The following CHCHD6 variants were observed in gnomAD, a reference collection of about 807,000 sequenced individuals.
CHCHD6 encodes the protein MICOS complex subunit MIC25.
A neutral mutation model predicts 32.3 loss-of-function variants in CHCHD6; 28 were observed. The observed-to-expected ratio is 0.87, with a 90% CI of 0.64 to 1.19. The LOEUF (loss-of-function observed/expected upper bound fraction) is 1.19. CHCHD6 is among the 50% of genes most tolerant of loss of function. The pLI is 0.00. For synonymous variants in CHCHD6, 122 were observed against 117.5 expected (o/e 1.04, Z -0.25); for missense variants, 333 against 307.0 (o/e 1.08, Z -0.63).
intron 5 of CHCHD6, among the ~76,000 whole-genome samples, chr3:126,881,675 A>G (rs1431400008): frequency 6.6e-6 from 1 of 152,206 alleles, no homozygotes; most frequent in Non-Finnish European, 1.5e-5. Flanking sequence ...TTCTCGAAGG[A>G]GTCGGCTGGA....
chr3:126,862,477 T>C (rs1576513159), intron 5 of CHCHD6, among the ~76,000 whole-genome samples: 9 of 102,820 alleles, frequency 8.8e-5, no homozygotes, highest in South Asian at 3.7e-4. Context: ...CACCACCTCC[T>C]CCTCTTCCTC....
At chr3:126,740,814 A>C (rs1251615695) in intron 4 of CHCHD6, among the ~76,000 whole-genome samples, 1 of 152,222 alleles carries the variant, frequency 6.6e-6, no homozygotes, top group African/African-American at 2.4e-5. Flanking sequence ...TTTTGGAGAA[A>C]GGAAAACTGT....
At chr3:126,731,054 G>C (rs868753177) in intron 3 of CHCHD6, among the ~76,000 whole-genome samples, 1 of 144,960 alleles carries the variant, frequency 6.9e-6, no homozygotes, top group Admixed American at 7.1e-5. Context: ...GCTGCAGGGA[G>C]CTGTGATTGC....
At chr3:126,830,283 TG>T (rs1178448864) in intron 4 of CHCHD6, among the ~76,000 whole-genome samples, 3 of 152,314 alleles carry the variant, frequency 2.0e-5, no homozygotes, top group Middle Eastern at 3.4e-3. Flanking sequence ...TATATGCCAC[TG>T]GGCCCCACCT....
intron 4 of CHCHD6, among the ~76,000 whole-genome samples, chr3:126,787,684 A>C (rs1271704200): frequency 1.3e-5 from 2 of 152,190 alleles, no homozygotes; most frequent in African/African-American, 2.4e-5. Flanking sequence ...TTGTATCCTG[A>C]GACTTTGCTG....
At chr3:126,794,068 G>A (rs549749686) in intron 4 of CHCHD6, among the ~76,000 whole-genome samples, 51 of 152,018 alleles carry the variant, frequency 3.4e-4, no homozygotes, top group African/African-American at 1.2e-3. Context: ...ATTTGTCTGG[G>A]AGTAGATTTA....
chr3:126,805,490 AC>A (rs1473247789), intron 4 of CHCHD6, among the ~76,000 whole-genome samples: 1 of 152,148 alleles, frequency 6.6e-6, no homozygotes, highest in Non-Finnish European at 1.5e-5. Context: ...AATCCAACTT[AC>A]AAGGGATGTG....
chr3:126,831,788 C>G (rs1163987152), intron 4 of CHCHD6, among the ~76,000 whole-genome samples: 2 of 152,150 alleles, frequency 1.3e-5, no homozygotes, highest in African/African-American at 2.4e-5. Flanking sequence ...ATCCTTTACC[C>G]CCAACTCCTG....
chr3:126,765,378 G>A lies in CHCHD6; in HGVS notation c.411+32156G>A, dbSNP rs542641940. On this transcript the variant is annotated intron_variant, in intron 4 of 7. Coordinates refer to ENST00000290913, the MANE Select transcript of CHCHD6 (RefSeq NM_032343.3). ...ATTACTCACTCAGCACAGCGAGCTC[G>A]GGCACAGGCACTTGACGGGGACACT... is the stretch of plus-strand genomic sequence containing the variant. Among the ~76,000 whole-genome samples the A allele has an allele frequency of 4.6e-5, 7 of 152,256 alleles. No homozygotes were observed. The East Asian group carries it at 1.4e-3, about 29-fold the overall frequency.
chr3:126,945,685 G>A (rs1285365832), intron 6 of CHCHD6, among the ~76,000 whole-genome samples: 1 of 141,954 alleles, frequency 7.0e-6, no homozygotes, highest in Non-Finnish European at 1.5e-5. Flanking sequence ...GGAGATTCGG[G>A]GGAAGACTCA....
At chr3:126,922,863 G>A (rs891349853) in intron 6 of CHCHD6, among the ~76,000 whole-genome samples, 6 of 152,188 alleles carry the variant, frequency 3.9e-5, no homozygotes, top group Non-Finnish European at 5.9e-5. Flanking sequence ...ACCAACAGAG[G>A]TTAGTGTTTG....
chr3:126,889,011 C>T (rs996791331), intron 5 of CHCHD6, among the ~76,000 whole-genome samples: 2 of 152,182 alleles, frequency 1.3e-5, no homozygotes, highest in African/African-American at 4.8e-5. Flanking sequence ...CTTGGTCCCT[C>T]GTGTGGTGCT....
intron 6 of CHCHD6, among the ~76,000 whole-genome samples, chr3:126,951,764 A>G (rs1186080084): frequency 6.6e-6 from 1 of 152,172 alleles, no homozygotes; most frequent in Admixed American, 6.5e-5. Flanking sequence ...GGCTGGCGGC[A>G]GAGTTATACC....
chr3:126,799,229 C>T (rs922510504), intron 4 of CHCHD6, among the ~76,000 whole-genome samples: 10 of 152,296 alleles, frequency 6.6e-5, no homozygotes, highest in Middle Eastern at 3.4e-3. Context: ...GTGAAGGAAT[C>T]ACTCTTGTCT....
rs984733533 is a variant in CHCHD6, at chr3:126,758,679, G to C, written c.411+25457G>C. Reference sequence around the variant, plus strand: ...TAATTCTCAAGCCACTCTCAAGTTTGTAGGTGAGCAAGGAGATGTGTGCAG... The same window carrying C: ...TAATTCTCAAGCCACTCTCAAGTTTCTAGGTGAGCAAGGAGATGTGTGCAG... On this transcript the variant is annotated intron_variant, in intron 4 of 7. Transcript: ENST00000290913. Among the ~76,000 whole-genome samples, 3 of 152,194 alleles carry C rather than the reference G, an allele frequency of 2.0e-5. No individual in the cohort carries two copies. In the South Asian group the frequency reaches 6.2e-4, roughly 32 times the overall value.
At chr3:126,858,374 T>C (rs1410780786) in intron 5 of CHCHD6, among the ~76,000 whole-genome samples, 1 of 152,058 alleles carries the variant, frequency 6.6e-6, no homozygotes, top group Non-Finnish European at 1.5e-5. Context: ...GTTCAGTTGC[T>C]GAGAGTTCAT....
chr3:126,960,118 T>C, intron 7 of CHCHD6, 78 bp from the exon 8 acceptor site: 1 of 1,537,642 alleles, frequency 6.5e-7, no homozygotes, highest in Non-Finnish European at 8.8e-7. Flanking sequence ...GCGGTTGCTG[T>C]CACAGGGCGA....
chr3:126,737,050 G>A (rs1936075514), intron 4 of CHCHD6, among the ~76,000 whole-genome samples: 1 of 152,092 alleles, frequency 6.6e-6, no homozygotes, highest in Non-Finnish European at 1.5e-5. Flanking sequence ...GCTGGGCGCG[G>A]TGGCTCACAC....
At chr3:126,831,064 C>T (rs190528780) in intron 4 of CHCHD6, among the ~76,000 whole-genome samples, 391 of 151,534 alleles carry the variant, frequency 2.6e-3, no homozygotes, top group Non-Finnish European at 5.0e-3. Context: ...CACTCTTTTG[C>T]TCAGGCTGGA....
Sources: gnomAD v4.1 joint callset for allele counts (sites outside exome capture counted in the v4.1 genomes callset) on GRCh38, gnomAD v4.1.1 for gene constraint, MANE v1.5 for transcripts, NCBI Gene and HGNC (gene_info 2026-07-23, HGNC 2026-07-21) for gene names.